Variants in ANO2 observed in about 807,000 individuals in gnomAD.
ANO2 encodes anoctamin-2.
ANO2 carries 101 observed loss-of-function variants against 124.2 expected under a neutral mutation model. The ratio of observed to expected loss-of-function variants is 0.81; its 90% CI spans 0.69 to 0.96. The LOEUF is 0.96. Among genes scored for constraint, ANO2 ranks in the 40% least tolerant of loss-of-function variants. The pLI is 0.00. For synonymous variants in ANO2, 486 were observed against 482.5 expected, an observed-to-expected ratio of 1.01 and a Z score of -0.09; for missense variants, 1,293 against 1,274.5, an observed-to-expected ratio of 1.01 and a Z score of -0.22.
At chr12:5,607,968 A>C (rs995126669) in intron 19 of ANO2, among the ~76,000 whole-genome samples, 1 of 152,074 alleles carries the variant, frequency 6.6e-6, no homozygotes, top group African/African-American at 2.4e-5. Context: ...GAATCATCCC[A>C]AAATCACACC....
At chr12:5,851,439 A>G (rs1224565826) in intron 4 of ANO2, among the ~76,000 whole-genome samples, 1 of 151,996 alleles carries the variant, frequency 6.6e-6, no homozygotes, top group African/African-American at 2.4e-5. Context: ...TGTAATCCCA[A>G]CACTTTGGGA....
intron 14 of ANO2, among the ~76,000 whole-genome samples, chr12:5,678,905 A>C (rs1948373150): frequency 6.6e-6 from 1 of 152,206 alleles, no homozygotes; most frequent in Non-Finnish European, 1.5e-5. Context: ...GGGACATTTG[A>C]ACTGGTCAAC....
chr12:5,819,859 C>T (rs899380393), intron 7 of ANO2, among the ~76,000 whole-genome samples: 10 of 152,112 alleles, frequency 6.6e-5, no homozygotes, highest in African/African-American at 2.2e-4. Context: ...AGTGGCAGCA[C>T]TCAACCATCA....
At chr12:5,923,371 T>C (rs558999827) in intron 1 of ANO2, among the ~76,000 whole-genome samples, 10 of 152,274 alleles carry the variant, frequency 6.6e-5, no homozygotes, top group East Asian at 3.9e-4. Flanking sequence ...AGGGGTGGCA[T>C]TGAGCAAGTC....
chr12:5,684,224 C>T (rs893348404), intron 14 of ANO2, among the ~76,000 whole-genome samples: 1 of 152,218 alleles, frequency 6.6e-6, no homozygotes, highest in Non-Finnish European at 1.5e-5. Context: ...GAAATGCCAG[C>T]TGCTCTCTGG....
intron 14 of ANO2, among the ~76,000 whole-genome samples, chr12:5,666,366 T>C (rs1947715857): frequency 1.3e-5 from 2 of 152,170 alleles, no homozygotes; most frequent in African/African-American, 2.4e-5. Flanking sequence ...AACGAGAGCC[T>C]CAACTTCTGC....
chr12:5,572,268 T>C lies in ANO2; in HGVS notation c.2621+3566A>G, dbSNP rs892065529. Reference sequence around the variant, plus strand: ...CTGAGCCTGTCTCCCTGGAATACAGTGTTCTCTCGGAACCTCCATCACTAC... The same window carrying C: ...CTGAGCCTGTCTCCCTGGAATACAGCGTTCTCTCGGAACCTCCATCACTAC... On this transcript the variant is annotated intron_variant, in intron 23 of 24. Transcript: ENST00000682330. 1.2e-4 allele frequency among the ~76,000 whole-genome samples: 18 copies of C among 152,234 alleles called. 1 individual carries two copies. Among genetic ancestry groups the C allele is most frequent in the South Asian group, 2.1e-4 (1 of 4,812 alleles).
At chr12:5,756,749 C>A (rs543268574) in intron 10 of ANO2, among the ~76,000 whole-genome samples, 6 of 152,332 alleles carry the variant, frequency 3.9e-5, no homozygotes, top group African/African-American at 1.4e-4. Context: ...GACAGAGATT[C>A]TGTTGAGATC....
intron 3 of ANO2, among the ~76,000 whole-genome samples, chr12:5,857,148 G>A (rs949615576): frequency 2.0e-5 from 3 of 152,168 alleles, no homozygotes; most frequent in African/African-American, 7.2e-5. Context: ...AAACCTGAAG[G>A]TTAACATGTA....
chr12:5,922,752 G>A lies in ANO2; in HGVS notation c.75C>T (p.Ser25=). 6.3e-7 allele frequency: 1 copy of A among 1,582,540 alleles called. No homozygotes were observed. Among genetic ancestry groups the A allele is most frequent in the South Asian group, 1.2e-5 (1 of 86,804 alleles). The change falls in exon 2 of 25, where the codon TCC becomes TCT. Residue 25 remains serine, a synonymous_variant. Transcript: ENST00000682330. ...SPRRLSPQAG[S]RGGQGPKHGQ... Reference sequence around the variant, plus strand: ...CATGTTTGGGGCCCTGGCCCCCTCTGGACCCTGCCTGAGGGCTCAGCCGGC... The same window carrying A: ...CATGTTTGGGGCCCTGGCCCCCTCTAGACCCTGCCTGAGGGCTCAGCCGGC...
chr12:5,592,702 T>C (rs768176700), intron 20 of ANO2, among the ~76,000 whole-genome samples: 1 of 152,190 alleles, frequency 6.6e-6, no homozygotes, highest in African/African-American at 2.4e-5. Flanking sequence ...CAACTTAGGA[T>C]GCATTTCCAG....
chr12:5,680,664 C>T (rs563822729), intron 14 of ANO2, among the ~76,000 whole-genome samples: 1 of 152,280 alleles, frequency 6.6e-6, no homozygotes, highest in Admixed American at 6.5e-5. Context: ...AGTATTCAAA[C>T]AGACACTAAA....
intron 3 of ANO2, among the ~76,000 whole-genome samples, chr12:5,883,068 G>A (rs374310242): frequency 1.3e-4 from 20 of 152,080 alleles, no homozygotes; most frequent in African/African-American, 4.8e-4. Context: ...CACCCACCAC[G>A]TGCCCCATTG....
chr12:5,791,722 T>C (rs972326440), intron 10 of ANO2, among the ~76,000 whole-genome samples: 3 of 152,190 alleles, frequency 2.0e-5, no homozygotes, highest in African/African-American at 4.8e-5. Context: ...GAAATGAAGA[T>C]AAGAATACCC....
chr12:5,830,832 G>A (rs921267814), intron 5 of ANO2, among the ~76,000 whole-genome samples: 1 of 152,148 alleles, frequency 6.6e-6, no homozygotes. Context: ...TGAAAACTTT[G>A]TGTAAAGAAA....
At position 5,635,459 on chromosome 12, in the gene ANO2, T is replaced by C. The variant is rs1278217634; in HGVS notation, c.1621-112A>G. On this transcript the variant is annotated intron_variant, in intron 15 of 24. Transcript: ENST00000682330. This position sits in a 1 kb window ranked among gnomAD's most constrained non-coding sequence, Gnocchi z 5.2. Reference sequence around the variant, plus strand: ...TATCAGATATTATTAATCTGGAATCTTTTGTTGGGTAACAAGGGATTCCAG... The same window carrying C: ...TATCAGATATTATTAATCTGGAATCCTTTGTTGGGTAACAAGGGATTCCAG... 1.6e-5 allele frequency: 14 copies of C among 883,952 alleles called. No homozygotes were observed. The highest frequency in any genetic ancestry group is 2.2e-5 in the Non-Finnish European group (14 of 646,668). 54.8% of individuals were successfully genotyped at this position (883,952 alleles called of 1,614,324 possible). A position where few individuals can be genotyped will look rare whatever the true frequency, so the allele number is the denominator to read the frequency against.
intron 12 of ANO2, among the ~76,000 whole-genome samples, chr12:5,741,383 G>T (rs751442373): frequency 6.6e-6 from 1 of 152,158 alleles, no homozygotes; most frequent in Non-Finnish European, 1.5e-5. Flanking sequence ...ACACTGATTT[G>T]CATGTTTTTC....
At chr12:5,794,406 A>T (rs1343932855) in intron 10 of ANO2, among the ~76,000 whole-genome samples, 1 of 152,218 alleles carries the variant, frequency 6.6e-6, no homozygotes, top group Non-Finnish European at 1.5e-5. Context: ...CTCCCAGTCA[A>T]CAGTGAGGAA....
intron 14 of ANO2, among the ~76,000 whole-genome samples, chr12:5,694,190 C>A (rs1277970728): frequency 6.6e-6 from 1 of 150,998 alleles, no homozygotes; most frequent in South Asian, 2.1e-4. Context: ...CCAACCTGCG[C>A]CAGTCCCCAA....
Sources: allele counts gnomAD v4.1 joint callset (sites outside exome capture counted in the v4.1 genomes callset), GRCh38; gene constraint gnomAD v4.1.1; non-coding constraint Gnocchi (gnomAD v3.1); transcripts MANE v1.5; gene names NCBI Gene and HGNC (gene_info 2026-07-23, HGNC 2026-07-21).